Variants in LRRC36 observed in about 807,000 individuals in gnomAD.
LRRC36 encodes the protein leucine rich repeat containing 36.
In LRRC36, 62 loss-of-function variants were observed where a neutral mutation model predicts 81.1. The observed-to-expected ratio is 0.76, with a 90% CI of 0.62 to 0.94. LRRC36 has a LOEUF of 0.94. LRRC36 is among the 40% of genes least tolerant of loss of function. LRRC36 has a pLI of 0.00. For missense variants in LRRC36, 761 were observed against 881.7 expected (o/e 0.86, Z 1.73); for synonymous variants, 334 against 348.6 (o/e 0.96, Z 0.47).
In LRRC36 at chr16:67,375,386, C is replaced by A; in HGVS notation, c.1634C>A (p.Ser545Tyr). 1 of 1,586,548 alleles carries A rather than the reference C, an allele frequency of 6.3e-7. No individual in the cohort carries two copies. Among genetic ancestry groups the A allele is most frequent in the East Asian group, 2.2e-5 (1 of 44,612 alleles). Residue 545 changes from serine (S) to tyrosine (Y), a missense_variant, in exon 10 of 14, where the codon TCC becomes TAC. Ser to Tyr is a moderately radical substitution (Grantham distance 144). Transcript: ENST00000329956. The stretch of plus-strand genomic sequence containing the variant: ...GATAAGCACTGGAATGGCTCCGGCT[C>A]CCTCCTCCTCAACAAGAAGTTTCTC... ...LVDKHWNGSG[S>Y]LLLNKKFLGP... is the part of the protein sequence containing the mutation.
At chr16:67,361,014 G>A (rs1307074796) in intron 5 of LRRC36, among the ~76,000 whole-genome samples, 1 of 152,106 alleles carries the variant, frequency 6.6e-6, no homozygotes, top group South Asian at 2.1e-4. Flanking sequence ...AAAAACGTTT[G>A]TACAAATATG....
chr16:67,330,050 G>A (rs2142554563), intron 1 of LRRC36, among the ~76,000 whole-genome samples: 1 of 152,242 alleles, frequency 6.6e-6, no homozygotes, highest in South Asian at 2.1e-4. Context: ...TGAAGAAACT[G>A]GCTTTGAAAG....
rs144618839 is a variant in LRRC36 at position 67,366,923 on chromosome 16, C to A, written c.755-94C>A. 3,250 of 976,392 alleles carry A rather than the reference C, an allele frequency of 3.3e-3. 13 individuals are homozygous for A. Among genetic ancestry groups the A allele is most frequent in the Non-Finnish European group, 3.7e-3 (2,396 of 648,724 alleles). 60.5% of individuals were successfully genotyped at this position (976,392 alleles called of 1,614,324 possible). ...ACCTCTTCCTGAGAGGTGTTTCTGG[C>A]AGACAGAGAATATGTTCAGTGAACA... On this transcript the variant is annotated intron_variant, in intron 7 of 13. Coordinates refer to ENST00000329956, the MANE Select transcript of LRRC36 (RefSeq NM_018296.6).
intron 1 of LRRC36, among the ~76,000 whole-genome samples, chr16:67,336,150 T>C (rs768157787): frequency 2.6e-5 from 4 of 152,230 alleles, no homozygotes; most frequent in Non-Finnish European, 5.9e-5. Context: ...GGCTCCTCCA[T>C]GTCTTTCCGT....
At chr16:67,332,119 G>T (rs1208797818) in intron 1 of LRRC36, among the ~76,000 whole-genome samples, 2 of 152,138 alleles carry the variant, frequency 1.3e-5, no homozygotes, top group African/African-American at 2.4e-5. Flanking sequence ...GAGACTACTT[G>T]ATTTGTTATT....
At chr16:67,369,354 CAAG>C (rs1346185730) in intron 8 of LRRC36, among the ~76,000 whole-genome samples, 2 of 152,102 alleles carry the variant, frequency 1.3e-5, no homozygotes, top group East Asian at 3.9e-4. Context: ...GAATGTGTTT[CAAG>C]AAGGAGGGAG....
chr16:67,376,871 T>A lies in LRRC36; in HGVS notation c.1805T>A (p.Met602Lys). 6.2e-7 allele frequency: 1 copy of A among 1,608,684 alleles called. No homozygotes were observed. The highest frequency in any genetic ancestry group is 8.5e-7 in the Non-Finnish European group (1 of 1,175,982). The change falls in exon 11 of 14, where the codon ATG becomes AAG. Residue 602 changes from methionine (M) to lysine (K), a missense_variant and splice_region_variant. Around this residue, in one of 3 missense-constraint regions of LRRC36, gnomAD observed 359 missense variants for 388.4 expected, o/e 0.92. Transcript: ENST00000329956. ...GCTGCGCAGCTGGTCCCTAATGACA[T>A]GGTATGCCCCTCTCATCTCCCTTTA... ...KEAAQLVPND[M>K]ESLKQKLVRV...
At chr16:67,362,201 CG>C (rs2039182433) in intron 5 of LRRC36, 1 of 453,058 alleles carries the variant, frequency 2.2e-6, no homozygotes, top group African/African-American at 2.0e-5. Context: ...CTTGCTCTGT[CG>C]CCCAGACTGG....
At chr16:67,334,516 G>A (rs2037663399) in intron 1 of LRRC36, among the ~76,000 whole-genome samples, 1 of 151,518 alleles carries the variant, frequency 6.6e-6, no homozygotes, top group African/African-American at 2.4e-5. Context: ...GTAGAGACGG[G>A]GTTTCACCAT....
chr16:67,367,047 C>T lies in LRRC36; in HGVS notation c.785C>T (p.Thr262Ile), dbSNP rs878867077. 16 of 1,612,968 alleles carry T rather than the reference C, an allele frequency of 9.9e-6. No homozygotes were observed. The highest frequency in any genetic ancestry group is 9.9e-5 in the South Asian group (9 of 90,910). ...EFRHYSPRQS[T>I]VRSPEKMTRE... ...AGACACTACTCGCCTCGTCAGTCCA[C>T]AGTCCGATCCCCAGAGAAGATGACT... The change falls in exon 8 of 14, where the codon ACA becomes ATA. Residue 262 changes from threonine to isoleucine, a missense_variant. This residue lies in a region of LRRC36 where 139 missense variants were observed against 214.0 expected (regional missense o/e 0.65). Transcript: ENST00000329956.
chr16:67,353,258 C>T (rs192987020), intron 5 of LRRC36, among the ~76,000 whole-genome samples: 1 of 152,278 alleles, frequency 6.6e-6, no homozygotes, highest in Admixed American at 6.5e-5. Flanking sequence ...TTCCCATTAC[C>T]CTGGCCCAGA....
At chr16:67,375,464 T>C (rs1597499906) in intron 10 of LRRC36, 52 bp downstream of exon 10, 1 of 1,483,674 alleles carries the variant, frequency 6.7e-7, no homozygotes, top group East Asian at 2.3e-5. Flanking sequence ...TTTCCTCTGC[T>C]CTGTGTTCTG....
chr16:67,352,083 C>T (rs1041030276), intron 5 of LRRC36, among the ~76,000 whole-genome samples: 1 of 152,168 alleles, frequency 6.6e-6, no homozygotes, highest in Non-Finnish European at 1.5e-5. Context: ...TGCCATATTA[C>T]TTCATTAACA....
rs1319183877 is a variant in LRRC36, at chr16:67,375,264, G to A, written c.1512G>A (p.Leu504=). The A allele has an allele frequency of 6.2e-7, 1 of 1,611,568 alleles. No homozygotes were observed. The highest frequency in any genetic ancestry group is 8.5e-7 in the Non-Finnish European group (1 of 1,179,654). ...ATGSEPLSSD[L]GSLHGLAGNH... ...CTCTTGAGCCTCTCTCTAGTGACCT[G>A]GGTAGTTTGCACGGTTTGGCTGGAA... The change falls in exon 10 of 14, where the codon CTG becomes CTA. Residue 504 remains leucine, a synonymous_variant. Transcript: ENST00000329956.
intron 10 of LRRC36, among the ~76,000 whole-genome samples, chr16:67,376,167 G>T (rs1290322426): frequency 6.6e-6 from 1 of 151,996 alleles, no homozygotes; most frequent in African/African-American, 2.4e-5. Flanking sequence ...AATTAGCCAG[G>T]CGTAGTGGTG....
At chr16:67,327,598 G>C (rs970422664) in intron 1 of LRRC36, among the ~76,000 whole-genome samples, 2 of 152,216 alleles carry the variant, frequency 1.3e-5, no homozygotes, top group Non-Finnish European at 2.9e-5. Flanking sequence ...GGACCTCAGA[G>C]GAGAGGTCAG....
chr16:67,346,058 C>T (rs555971614), intron 2 of LRRC36, among the ~76,000 whole-genome samples, 198 bp from the exon 3 acceptor site: 25 of 152,262 alleles, frequency 1.6e-4, no homozygotes, highest in African/African-American at 5.1e-4. Flanking sequence ...AATTATTTAA[C>T]GTATGGAACA....
rs186182779 is a variant in LRRC36 at position 67,365,313 on chromosome 16, G to T, written c.712G>T (p.Val238Leu). Residue 238 changes from valine to leucine, a missense_variant, in exon 7 of 14, where the codon GTA (valine) becomes TTA (leucine). Coordinates refer to ENST00000329956, the MANE Select transcript of LRRC36 (RefSeq NM_018296.6). ...TTCGAACTTTTTTTAGACACAGGAA[G>T]TAGCAAGAAGGGAGATGCCAAGTGA... ...TFPLGTQTQE[V>L]ARREMPSDNH... 1.4e-5 allele frequency: 23 copies of T among 1,613,110 alleles called. No individual in the cohort carries two copies. In the Admixed American group the frequency reaches 2.7e-4, roughly 19 times the overall value.
chr16:67,369,367 G>A (rs1444386830), intron 8 of LRRC36, among the ~76,000 whole-genome samples: 1 of 152,200 alleles, frequency 6.6e-6, no homozygotes, highest in East Asian at 1.9e-4. Flanking sequence ...GAAGGAGGGA[G>A]TGATCAATGC....
Sources: gnomAD v4.1 joint callset for allele counts (sites outside exome capture counted in the v4.1 genomes callset) on GRCh38, gnomAD v4.1.1 for gene constraint, gnomAD v4.1.1 regional missense constraint, MANE v1.5 for transcripts, NCBI Gene and HGNC (gene_info 2026-07-23, HGNC 2026-07-21) for gene names.